Variants in IL1RN observed in about 807,000 individuals in gnomAD.
IL1RN encodes interleukin-1 receptor antagonist protein.
A neutral mutation model predicts 13.7 loss-of-function variants in IL1RN; 10 were observed. That is an observed-to-expected ratio of 0.73 (90% CI 0.45 to 1.24). IL1RN has a LOEUF of 1.24. Among genes scored for constraint, IL1RN ranks in the 50% most tolerant of loss-of-function variants. The pLI, the probability that IL1RN is intolerant of heterozygous loss-of-function variation, is 0.00. For missense variants in IL1RN, 213 were observed against 222.1 expected (o/e 0.96, Z 0.26); for synonymous variants, 102 against 82.7 (o/e 1.23, Z -1.27).
At chr2:113,117,762 G>A (rs1225966965), upstream of IL1RN, 5 of 592,404 alleles carry the variant, frequency 8.4e-6, no homozygotes, top group African/African-American at 9.3e-5. Flanking sequence ...TCACCCTCCT[G>A]GAAACTGGGC....
At chr2:113,118,268 G>A (rs1416979726) in intron 1 of IL1RN, among the ~76,000 whole-genome samples, 2 of 152,260 alleles carry the variant, frequency 1.3e-5, no homozygotes, top group Non-Finnish European at 2.9e-5. Context: ...GGTGAACAGA[G>A]AGGTGTAACT....
At chr2:113,114,035 G>C (rs1686547054), upstream of IL1RN, among the ~76,000 whole-genome samples, 1 of 152,192 alleles carries the variant, frequency 6.6e-6, no homozygotes, top group African/African-American at 2.4e-5. Context: ...TTGGTTGCAG[G>C]AGTCAGACAT....
the IL1RN span, among the ~76,000 whole-genome samples, chr2:113,101,969 G>A: frequency 1.3e-5 from 2 of 152,102 alleles, no homozygotes; most frequent in Non-Finnish European, 2.9e-5. Context: ...GTTTCTCCAT[G>A]TTGGTCAGGC....
the IL1RN span, among the ~76,000 whole-genome samples, chr2:113,101,801 C>G: frequency 7.2e-5 from 11 of 152,064 alleles, no homozygotes; most frequent in African/African-American, 2.7e-4. Flanking sequence ...GAGTTTCTCT[C>G]TTGTTACCCA....
At chr2:113,112,160 C>CA (rs1424259153) in intron 1 of IL1RN, among the ~76,000 whole-genome samples, 1 of 152,222 alleles carries the variant, frequency 6.6e-6, no homozygotes, top group African/African-American at 2.4e-5. Flanking sequence ...CTGAATGCTT[C>CA]TACCTTCCCT....
At chr2:113,112,958 T>C, upstream of IL1RN, 1 of 152,180 alleles carries the variant, frequency 6.6e-6, no homozygotes. Context: ...AACCCCACCT[T>C]GATCTAGCTG....
chr2:113,110,758 G>A (rs1686481621), upstream of IL1RN, among the ~76,000 whole-genome samples: 1 of 152,218 alleles, frequency 6.6e-6, no homozygotes, highest in Non-Finnish European at 1.5e-5. Context: ...AAAGCACCTG[G>A]CATAGTGCCT....
chr2:113,128,806 C>T (rs558660691), intron 1 of IL1RN, among the ~76,000 whole-genome samples: 12 of 152,238 alleles, frequency 7.9e-5, no homozygotes, highest in East Asian at 1.9e-4. Context: ...TCAGGCTGGC[C>T]AGAGCTCTGT....
At chr2:113,129,890 T>C in intron 2 of IL1RN, 1 of 530,554 alleles carries the variant, frequency 1.9e-6, no homozygotes, top group East Asian at 3.3e-5. Context: ...GGTCAGTGCC[T>C]ATAGGCACAG....
upstream of IL1RN, among the ~76,000 whole-genome samples, chr2:113,104,914 A>T (rs72829803): frequency 7.0e-4 from 107 of 152,342 alleles, 1 homozygote; most frequent in Non-Finnish European, 1.2e-3. Context: ...TTATTTTGCC[A>T]TGAATTAAAA....
chr2:113,129,514 G>T, intron 1 of IL1RN, 62 bp from the exon 2 acceptor site: 1 of 1,033,166 alleles, frequency 9.7e-7, no homozygotes. Context: ...ACAGGAAGGT[G>T]CCAAGCACAA....
intron 2 of IL1RN, 55 bp from the exon 3 acceptor site, chr2:113,130,990 C>A (rs1022418721): frequency 1.5e-5 from 17 of 1,146,812 alleles, no homozygotes; most frequent in Non-Finnish European, 2.0e-5. Context: ...GGGGTCTCTT[C>A]ATTATTGCTG....
At chr2:113,122,482 G>C (rs1046276252) in intron 2 of IL1RN, among the ~76,000 whole-genome samples, 1 of 152,196 alleles carries the variant, frequency 6.6e-6, no homozygotes, top group African/African-American at 2.4e-5. Flanking sequence ...TCAGTAGCTT[G>C]AAATTATCCG....
intron 2 of IL1RN, among the ~76,000 whole-genome samples, chr2:113,121,087 T>TTCTTCCTCTTCCTCTTCC (rs1558864339): frequency 1.1e-4 from 10 of 91,324 alleles, no homozygotes; most frequent in African/African-American, 4.2e-4. Context: ...CTTCTTCTTC[T>TTCTTCCTCTTCCTCTTCC]TCTTCTTCCT....
chr2:113,121,021 C>CTCTTCTTCTTCCTCCTCCTTCTCCTCT (rs1686757237), intron 2 of IL1RN, among the ~76,000 whole-genome samples: 3 of 138,490 alleles, frequency 2.2e-5, no homozygotes, highest in African/African-American at 5.4e-5. Context: ...CCTCCTTCTC[C>CTCTTCTTCTTCCTCCTCCTTCTCCTCT]TCTTCTTCTT....
At chr2:113,113,286 G>A (rs755126569), upstream of IL1RN, among the ~76,000 whole-genome samples, 6 of 152,182 alleles carry the variant, frequency 3.9e-5, no homozygotes, top group Non-Finnish European at 5.9e-5. Flanking sequence ...GGATGGACCT[G>A]GAGGGAATTA....
chr2:113,102,810 A>G (rs988246954), upstream of IL1RN, among the ~76,000 whole-genome samples: 1 of 152,212 alleles, frequency 6.6e-6, no homozygotes, highest in Non-Finnish European at 1.5e-5. Flanking sequence ...TGGGGCAGGA[A>G]TAAATCACAA....
intron 1 of IL1RN, among the ~76,000 whole-genome samples, chr2:113,119,296 T>A (rs1686687918): frequency 6.6e-6 from 1 of 152,116 alleles, no homozygotes; most frequent in Non-Finnish European, 1.5e-5. Context: ...AATAACCCTA[T>A]GAGGAAGGGC....
At chr2:113,115,545 A>T (rs1007316185), upstream of IL1RN, 1 of 151,996 alleles carries the variant, frequency 6.6e-6, no homozygotes, top group South Asian at 2.1e-4. Context: ...AGTCACCATC[A>T]TTGGGGTTGT....
Sources: allele counts gnomAD v4.1 joint callset (sites outside exome capture counted in the v4.1 genomes callset), GRCh38; gene constraint gnomAD v4.1.1; transcripts MANE v1.5; gene names NCBI Gene and HGNC (gene_info 2026-07-23, HGNC 2026-07-21).